GRK3: variants seen among roughly 807,000 people sequenced by gnomAD.
GRK3 encodes the protein adrenergic, beta, receptor kinase 2.
A neutral mutation model predicts 95.7 loss-of-function variants in GRK3; 54 were observed. That is an observed-to-expected ratio of 0.56 (90% CI 0.45 to 0.71). The LOEUF (loss-of-function observed/expected upper bound fraction) is 0.71, where lower values mean the gene tolerates loss of function less well. Among genes scored for constraint, GRK3 ranks in the 30% least tolerant of loss-of-function variants. GRK3 has a pLI of 0.00. For missense variants in GRK3, 649 were observed against 851.2 expected (o/e 0.76, Z 2.96); for synonymous variants, 281 against 290.8 (o/e 0.97, Z 0.34).
At position 25,604,440 on chromosome 22, in the gene GRK3, C is replaced by T. The variant is rs759800976; in HGVS notation, c.177C>T (p.Phe59=). The T allele has an allele frequency of 2.2e-5, 36 of 1,610,228 alleles. No homozygotes were observed. Among genetic ancestry groups the T allele is most frequent in the Non-Finnish European group, 3.0e-5 (35 of 1,178,408 alleles). The change falls in exon 2 of 21, where the codon TTC becomes TTT. Residue 59 remains phenylalanine, a synonymous_variant. Coordinates refer to ENST00000324198, the MANE Select transcript of GRK3 (RefSeq NM_005160.4). The part of the protein sequence containing the change: ...ERNEITFDKI[F]NQKIGFLLFK... ...ATGAAATAACCTTTGACAAGATTTTCAATCAGAAAATTGGTAAGTCCTGCT... is the reference window on the plus strand; with the variant it reads ...ATGAAATAACCTTTGACAAGATTTTTAATCAGAAAATTGGTAAGTCCTGCT...
intron 19 of GRK3, among the ~76,000 whole-genome samples, chr22:25,719,546 TTG>T (rs1030993797): frequency 7.2e-5 from 11 of 152,234 alleles, no homozygotes; most frequent in Admixed American, 7.2e-4. Context: ...GAGCTAATGT[TTG>T]TGAACAAGAT....
chr22:25,604,333 G>A (rs368985172), intron 1 of GRK3, 44 bp from the exon 2 acceptor site: 14 of 1,426,316 alleles, frequency 9.8e-6, no homozygotes, highest in Middle Eastern at 2.0e-4. Context: ...GGTTACTCAC[G>A]ATGTAGGCTG....
intron 18 of GRK3, among the ~76,000 whole-genome samples, chr22:25,715,606 G>A (rs145499249): frequency 5.3e-4 from 80 of 152,252 alleles, no homozygotes; most frequent in African/African-American, 1.9e-3. Flanking sequence ...AAATAAATCA[G>A]TCATTCTCAT....
intron 3 of GRK3, among the ~76,000 whole-genome samples, chr22:25,652,514 T>C (rs545679587): frequency 1.1e-4 from 17 of 152,264 alleles, no homozygotes; most frequent in African/African-American, 4.1e-4. Context: ...CTAAATTGCA[T>C]GACAGTAGCA....
intron 17 of GRK3, among the ~76,000 whole-genome samples, chr22:25,711,836 C>T (rs111608119): frequency 0.026 from 3,981 of 152,310 alleles, 62 homozygotes; most frequent in African/African-American, 0.04. Flanking sequence ...CCCCCATTTA[C>T]ACCCTTCTGA....
chr22:25,693,590 G>A (rs967512558), intron 12 of GRK3, among the ~76,000 whole-genome samples: 11 of 152,064 alleles, frequency 7.2e-5, no homozygotes, highest in Admixed American at 7.2e-4. Flanking sequence ...GGCTGATTGA[G>A]CTTTCCAGAA....
In GRK3 at chr22:25,602,598, A is replaced by G. The variant is rs1300736754; in HGVS notation, c.114-1779A>G. Among the ~76,000 whole-genome samples, 4 of 152,256 alleles carry G rather than the reference A, an allele frequency of 2.6e-5. No individual in the cohort carries two copies. The East Asian group carries it at 7.7e-4, about 29-fold the overall frequency. On this transcript the variant is annotated intron_variant, in intron 1 of 20. Coordinates refer to ENST00000324198, the MANE Select transcript of GRK3 (RefSeq NM_005160.4). ...TGGCTGGGTAAACAAATTGTGGAATATTCATACAATGGCATGCTGTTTGGC... is the reference window on the plus strand; with the variant it reads ...TGGCTGGGTAAACAAATTGTGGAATGTTCATACAATGGCATGCTGTTTGGC...
rs749077845 is a variant in GRK3, at chr22:25,565,010, A to ACCGCCG, written c.-19_-14dup. 848 of 1,212,846 alleles carry ACCGCCG rather than the reference A, an allele frequency of 7.0e-4. 3 individuals carry two copies. Among genetic ancestry groups the ACCGCCG allele is most frequent in the South Asian group, 8.4e-4 (61 of 72,838 alleles). The allele number at this position is 1,212,846 out of a possible 1,614,324, so 75.1% of individuals were successfully genotyped here. ...GCGCGTCCCGTCCAGGTCCGGAGTA[A>ACCGCCG]CCGCCGCCGCCGCCGCCAAAGCTCG... On this transcript the variant is annotated 5_prime_UTR_variant, in exon 1 of 21. Transcript: ENST00000324198.
chr22:25,617,055 CCTT>C (rs1490887415), intron 2 of GRK3, among the ~76,000 whole-genome samples: 1 of 152,168 alleles, frequency 6.6e-6, no homozygotes, highest in African/African-American at 2.4e-5. Context: ...CAGAGAGAGT[CCTT>C]CTAGGCCCCC....
At chr22:25,712,997 G>A (rs2085356038) in intron 17 of GRK3, among the ~76,000 whole-genome samples, 1 of 152,140 alleles carries the variant, frequency 6.6e-6, no homozygotes, top group Admixed American at 6.5e-5. Flanking sequence ...TAAAAGGGTG[G>A]GGGAAAACTC....
chr22:25,567,449 A>G (rs1480126185), intron 1 of GRK3, among the ~76,000 whole-genome samples: 1 of 152,110 alleles, frequency 6.6e-6, no homozygotes, highest in Non-Finnish European at 1.5e-5. Flanking sequence ...TTTGATTTGG[A>G]GGTTGGGGGT....
At chr22:25,647,136 A>G (rs936136607) in intron 3 of GRK3, 1 of 401,586 alleles carries the variant, frequency 2.5e-6, no homozygotes, top group Admixed American at 3.8e-5. Context: ...TCCTTCAAAA[A>G]TGGAGGACGA....
chr22:25,681,046 A>G (rs1386352064), intron 9 of GRK3, among the ~76,000 whole-genome samples: 1 of 151,746 alleles, frequency 6.6e-6, no homozygotes, highest in Non-Finnish European at 1.5e-5. Flanking sequence ...TAATTCTCAG[A>G]TGGCAAAAAA....
intron 11 of GRK3, among the ~76,000 whole-genome samples, chr22:25,688,507 C>T (rs1275639057): frequency 6.6e-6 from 1 of 152,170 alleles, no homozygotes; most frequent in Non-Finnish European, 1.5e-5. Context: ...GAATTTCTCT[C>T]AAAGGCCACC....
chr22:25,679,740 G>C (rs963319684), intron 9 of GRK3, among the ~76,000 whole-genome samples: 1 of 152,128 alleles, frequency 6.6e-6, no homozygotes, highest in Non-Finnish European at 1.5e-5. Context: ...GACAGAGAGG[G>C]AGAGGCATGG....
In GRK3 at chr22:25,692,633, G is replaced by C. The variant is rs7289080; in HGVS notation, c.1052+2350G>C. 4.8e-3 allele frequency among the ~76,000 whole-genome samples: 735 copies of C among 152,294 alleles called. 7 individuals carry two copies. The highest frequency in any genetic ancestry group is 0.017 in the African/African-American group (711 of 41,566). ...TGTGTCACTCACTGAATATCCAGCTGTTCCAGGCTTGCATATGTCATCTTC... is the reference window on the plus strand; with the variant it reads ...TGTGTCACTCACTGAATATCCAGCTCTTCCAGGCTTGCATATGTCATCTTC... On this transcript the variant is annotated intron_variant, in intron 12 of 20. Coordinates refer to ENST00000324198, the MANE Select transcript of GRK3 (RefSeq NM_005160.4).
chr22:25,587,612 G>T (rs959561585), intron 1 of GRK3, among the ~76,000 whole-genome samples: 1 of 151,936 alleles, frequency 6.6e-6, no homozygotes, highest in Non-Finnish European at 1.5e-5. Context: ...TATAGTTTTG[G>T]TAGAGATGGG....
intron 1 of GRK3, among the ~76,000 whole-genome samples, chr22:25,572,747 G>C (rs772279387): frequency 4.6e-5 from 7 of 152,164 alleles, no homozygotes. Context: ...TCATTCTTTA[G>C]AGGTTTTTGT....
chr22:25,694,602 C>T (rs2085191963), intron 12 of GRK3, among the ~76,000 whole-genome samples: 1 of 152,196 alleles, frequency 6.6e-6, no homozygotes, highest in Non-Finnish European at 1.5e-5. Context: ...TCCCATCCCC[C>T]TGGGGTCTGT....
Sources: gnomAD v4.1 joint callset for allele counts (sites outside exome capture counted in the v4.1 genomes callset) on GRCh38, gnomAD v4.1.1 for gene constraint, MANE v1.5 for transcripts, NCBI Gene and HGNC (gene_info 2026-07-23, HGNC 2026-07-21) for gene names.